Variants in TSPAN18 observed in about 807,000 individuals in gnomAD.
TSPAN18 encodes tetraspanin-18.
Under a neutral mutation model 27.3 loss-of-function variants are expected in TSPAN18, and 14 were observed. The observed-to-expected ratio is 0.51, with a 90% CI of 0.34 to 0.80. The LOEUF is 0.80. Ranked by LOEUF, TSPAN18 falls within the 30% of genes least tolerant of loss-of-function variation. The pLI is 0.01. For missense variants in TSPAN18, 268 were observed against 323.9 expected (o/e 0.83, Z 1.32); for synonymous variants, 143 against 136.5 (o/e 1.05, Z -0.33).
chr11:44,799,848 T>C (rs1381070345), intron 2 of TSPAN18, among the ~76,000 whole-genome samples: 1 of 152,144 alleles, frequency 6.6e-6, no homozygotes, highest in Non-Finnish European at 1.5e-5. Context: ...ATTTATTTAT[T>C]GAGACGGAGT....
At chr11:44,795,771 C>A (rs1366419178) in intron 2 of TSPAN18, among the ~76,000 whole-genome samples, 28 of 152,114 alleles carry the variant, frequency 1.8e-4, no homozygotes, top group Admixed American at 1.8e-3. Flanking sequence ...TGACTGGCTT[C>A]CATGTGGTTT....
intron 1 of TSPAN18, among the ~76,000 whole-genome samples, chr11:44,737,157 C>T (rs1854816411): frequency 1.3e-5 from 2 of 152,200 alleles, no homozygotes; most frequent in Admixed American, 6.5e-5. Context: ...GCCCCTAAGC[C>T]CCTCTTATGT....
At chr11:44,792,351 G>C (rs528524272) in intron 2 of TSPAN18, among the ~76,000 whole-genome samples, 1 of 152,158 alleles carries the variant, frequency 6.6e-6, no homozygotes, top group Non-Finnish European at 1.5e-5. Flanking sequence ...AGGCACGCAC[G>C]GCCTGGAGCA....
At chr11:44,856,004 T>A (rs1857727687) in intron 2 of TSPAN18, among the ~76,000 whole-genome samples, 1 of 151,986 alleles carries the variant, frequency 6.6e-6, no homozygotes, top group South Asian at 2.1e-4. Flanking sequence ...TGCCTCAGCC[T>A]CCCGAGTAGC....
At chr11:44,734,456 G>C (rs1296241300) in intron 1 of TSPAN18, among the ~76,000 whole-genome samples, 1 of 152,236 alleles carries the variant, frequency 6.6e-6, no homozygotes, top group Non-Finnish European at 1.5e-5. Context: ...TAAAAAGCGA[G>C]TCAAGTGCCT....
At chr11:44,888,513 C>T (rs536969518) in intron 3 of TSPAN18, among the ~76,000 whole-genome samples, 2 of 152,202 alleles carry the variant, frequency 1.3e-5, no homozygotes, top group East Asian at 1.9e-4. Context: ...GAAACAGTCC[C>T]GATCACCAAA....
rs190576815 is a variant in TSPAN18 at position 44,834,099 on chromosome 11, A to C, written c.-152-26229A>C. On this transcript the variant is annotated intron_variant, in intron 2 of 9. Transcript: ENST00000520358. ...CAAGGCTTAAACCCAGGCAGGAACC[A>C]CGAGATTGCTGAGGCCAGGAGCAAA... Among the ~76,000 whole-genome samples, 598 of 151,966 alleles carry C rather than the reference A, an allele frequency of 3.9e-3. 9 individuals carry two copies. Among genetic ancestry groups the C allele is most frequent in the Non-Finnish European group, 4.4e-3 (297 of 67,978 alleles).
intron 8 of TSPAN18, among the ~76,000 whole-genome samples, chr11:44,922,472 T>C (rs1590698960): frequency 6.6e-6 from 1 of 151,844 alleles, no homozygotes; most frequent in East Asian, 2.0e-4. Flanking sequence ...CTGGGAAGAG[T>C]TGAGTTCACT....
intron 5 of TSPAN18, among the ~76,000 whole-genome samples, chr11:44,913,824 A>T (rs915076931): frequency 7.9e-5 from 12 of 152,388 alleles, no homozygotes; most frequent in Non-Finnish European, 1.5e-4. Flanking sequence ...CCTTAGGCAA[A>T]TGGGATGCAA....
intron 3 of TSPAN18, among the ~76,000 whole-genome samples, chr11:44,881,965 G>A (rs1794340977): frequency 6.6e-6 from 1 of 152,184 alleles, no homozygotes; most frequent in South Asian, 2.1e-4. Flanking sequence ...AGGGGTCACT[G>A]GTGAAAGAAT....
intron 9 of TSPAN18, among the ~76,000 whole-genome samples, chr11:44,927,371 C>G (rs1860402247): frequency 6.6e-6 from 1 of 152,228 alleles, no homozygotes; most frequent in Non-Finnish European, 1.5e-5. Context: ...GGGGGCTGGA[C>G]AGAGCGTTGC....
At position 44,926,667 on chromosome 11, in the gene TSPAN18, C is replaced by T. The variant is rs1024886313; in HGVS notation, c.616-7C>T. On this transcript the variant is annotated splice_polypyrimidine_tract_variant and splice_region_variant and intron_variant, in intron 8 of 9. Coordinates refer to ENST00000520358, the MANE Select transcript of TSPAN18 (RefSeq NM_130783.5). ...CCATAGCTTGACCTCTCATCCCTCC[C>T]TCCCAGGGCTGTTACACGGTGATCC... The T allele has an allele frequency of 6.2e-7, 1 of 1,613,910 alleles. No homozygotes were observed. Among genetic ancestry groups the T allele is most frequent in the African/African-American group, 1.3e-5 (1 of 74,920 alleles).
chr11:44,751,757 T>G (rs117618870), intron 1 of TSPAN18, among the ~76,000 whole-genome samples: 4,071 of 151,998 alleles, frequency 0.027, 78 homozygotes, highest in Non-Finnish European at 0.042. Context: ...TAAAGCCCCA[T>G]CTCTACTAAA....
intron 2 of TSPAN18, among the ~76,000 whole-genome samples, chr11:44,822,923 C>T (rs1261525197): frequency 6.6e-6 from 1 of 152,150 alleles, no homozygotes; most frequent in African/African-American, 2.4e-5. Context: ...GTTGATTCTC[C>T]CACCAGCTGT....
intron 2 of TSPAN18, among the ~76,000 whole-genome samples, chr11:44,825,919 G>A (rs1051914390): frequency 6.6e-6 from 1 of 152,138 alleles, no homozygotes; most frequent in Non-Finnish European, 1.5e-5. Flanking sequence ...CCAGGGTGTG[G>A]GTCCCCACTC....
chr11:44,853,693 C>T lies in TSPAN18; in HGVS notation c.-152-6635C>T, dbSNP rs77688334. Among the ~76,000 whole-genome samples, 1,759 of 152,346 alleles carry T rather than the reference C, an allele frequency of 0.012. 56 individuals carry two copies. In the East Asian group the frequency reaches 0.12, roughly 11 times the overall value. ...TTCTGCTGGTAACCCCCGCCCCATG[C>T]ACCTCTCCATCCACAGGCCTGCAGG... On this transcript the variant is annotated intron_variant, in intron 2 of 9. Transcript: ENST00000520358.
At chr11:44,812,880 A>G (rs910729718) in intron 2 of TSPAN18, among the ~76,000 whole-genome samples, 1 of 152,166 alleles carries the variant, frequency 6.6e-6, no homozygotes. Flanking sequence ...GTGTACATAC[A>G]CACACACAGA....
At chr11:44,822,058 A>G (rs1308756856) in intron 2 of TSPAN18, among the ~76,000 whole-genome samples, 1 of 152,144 alleles carries the variant, frequency 6.6e-6, no homozygotes, top group African/African-American at 2.4e-5. Context: ...GGTGTAGCCA[A>G]TTCCTTCGAG....
At chr11:44,831,797 G>A (rs1343080463) in intron 2 of TSPAN18, among the ~76,000 whole-genome samples, 5 of 152,198 alleles carry the variant, frequency 3.3e-5, no homozygotes, top group African/African-American at 7.2e-5. Flanking sequence ...TGGTTAGGCC[G>A]AGAAGGCAGG....
Sources: gnomAD v4.1 joint callset for allele counts (sites outside exome capture counted in the v4.1 genomes callset) on GRCh38, gnomAD v4.1.1 for gene constraint, MANE v1.5 for transcripts, NCBI Gene and HGNC (gene_info 2026-07-23, HGNC 2026-07-21) for gene names.